The following CNTN3 variants were observed in gnomAD, a reference collection of about 807,000 sequenced individuals.
CNTN3 encodes contactin 3, also known as contactin-3.
CNTN3 carries 60 observed loss-of-function variants against 119.1 expected under a neutral mutation model. That is an observed-to-expected ratio of 0.50 (90% CI 0.41 to 0.62). CNTN3 has a LOEUF of 0.62. Ranked by LOEUF, CNTN3 falls within the 20% of genes least tolerant of loss-of-function variation. The probability of loss-of-function intolerance (pLI) is 0.00; values close to 1 mark genes in which losing one functional copy is unlikely to be tolerated. For synonymous variants in CNTN3, 450 were observed against 438.7 expected (o/e 1.03, Z -0.32); for missense variants, 1,101 against 1,242.4 (o/e 0.89, Z 1.71).
chr3:74,426,995 GC>G (rs752958440), intron 4 of CNTN3, among the ~76,000 whole-genome samples: 12 of 152,256 alleles, frequency 7.9e-5, no homozygotes, highest in East Asian at 1.9e-4. Flanking sequence ...GCTAGAATAT[GC>G]AAAAATGTAT....
chr3:74,506,687 T>C (rs938603847), intron 2 of CNTN3, among the ~76,000 whole-genome samples: 7 of 150,318 alleles, frequency 4.7e-5, no homozygotes, highest in Non-Finnish European at 1.0e-4. Flanking sequence ...GGATGCAATA[T>C]GCAATGTGTA....
chr3:74,349,779 A>C (rs1703772849), intron 11 of CNTN3, among the ~76,000 whole-genome samples: 1 of 152,224 alleles, frequency 6.6e-6, no homozygotes, highest in Non-Finnish European at 1.5e-5. Flanking sequence ...CTATGGTTAA[A>C]TGCATGTGGG....
chr3:74,446,500 A>G (rs1055871927), intron 4 of CNTN3, among the ~76,000 whole-genome samples: 1 of 152,136 alleles, frequency 6.6e-6, no homozygotes, highest in African/African-American at 2.4e-5. Context: ...GCCACTAGCC[A>G]CATGTGCCTA....
chr3:74,500,316 A>G (rs1435816953), intron 2 of CNTN3, among the ~76,000 whole-genome samples: 2 of 152,032 alleles, frequency 1.3e-5, no homozygotes, highest in Non-Finnish European at 2.9e-5. Flanking sequence ...GCGTCTTTTT[A>G]AAGATGTTTC....
chr3:74,312,455 CA>C (rs745514119), intron 13 of CNTN3, among the ~76,000 whole-genome samples: 1,013 of 27,708 alleles, frequency 0.037, 6 homozygotes, highest in African/African-American at 0.11. Context: ...GACTCCATCT[CA>C]AAAAAAAAAA....
chr3:74,323,332 G>A (rs546168522), intron 13 of CNTN3, among the ~76,000 whole-genome samples: 1 of 151,990 alleles, frequency 6.6e-6, no homozygotes, highest in Admixed American at 6.6e-5. Flanking sequence ...TTTTTAAAAG[G>A]GGTCCATCTC....
intron 13 of CNTN3, among the ~76,000 whole-genome samples, chr3:74,320,923 C>T (rs1297772631): frequency 6.6e-6 from 1 of 150,488 alleles, no homozygotes; most frequent in African/African-American, 2.4e-5. Context: ...AAATTCAGCA[C>T]ATATTCAATA....
chr3:74,265,006 C>A (rs1398882825), intron 22 of CNTN3, among the ~76,000 whole-genome samples: 1 of 152,036 alleles, frequency 6.6e-6, no homozygotes, highest in East Asian at 1.9e-4. Flanking sequence ...ATGGGAAAAA[C>A]AACTTAATCA....
chr3:74,451,336 C>A (rs1702150055), intron 4 of CNTN3, among the ~76,000 whole-genome samples: 2 of 152,214 alleles, frequency 1.3e-5, no homozygotes, highest in South Asian at 2.1e-4. Context: ...CTGTTCATGT[C>A]CATTGCCCCC....
At chr3:74,355,268 T>C (rs1236346722) in intron 11 of CNTN3, among the ~76,000 whole-genome samples, 1 of 152,136 alleles carries the variant, frequency 6.6e-6, no homozygotes, top group African/African-American at 2.4e-5. Flanking sequence ...ATCATGCCTC[T>C]AATCAACAGG....
chr3:74,599,782 G>C (rs1055430167), intron 1 of CNTN3, among the ~76,000 whole-genome samples: 1 of 151,974 alleles, frequency 6.6e-6, no homozygotes, highest in Non-Finnish European at 1.5e-5. Context: ...ACATCAATGG[G>C]GCAGAGAAGA....
intron 5 of CNTN3, among the ~76,000 whole-genome samples, chr3:74,381,063 T>TTCTC (rs934368808): frequency 1.4e-4 from 20 of 146,648 alleles, no homozygotes; most frequent in Middle Eastern, 3.5e-3. Context: ...GTTTTTTTTT[T>TTCTC]TCTCTCTCTC....
intron 4 of CNTN3, among the ~76,000 whole-genome samples, chr3:74,476,758 T>A (rs1702663244): frequency 1.3e-5 from 2 of 152,186 alleles, no homozygotes; most frequent in East Asian, 1.9e-4. Flanking sequence ...TCAGATAGAA[T>A]GTCTCGACAT....
chr3:74,586,922 C>T (rs1287758351), intron 1 of CNTN3, among the ~76,000 whole-genome samples: 1 of 151,958 alleles, frequency 6.6e-6, no homozygotes, highest in African/African-American at 2.4e-5. Context: ...GTAGTGTTTG[C>T]CTGCCTAGCA....
chr3:74,602,295 C>CA (rs1167052275), intron 1 of CNTN3, among the ~76,000 whole-genome samples: 1,276 of 19,544 alleles, frequency 0.065, 148 homozygotes, highest in Middle Eastern at 0.1. Flanking sequence ...GACCTGGTCT[C>CA]AAAAAAAAAA....
At chr3:74,528,898 C>A (rs1703656589) in intron 1 of CNTN3, among the ~76,000 whole-genome samples, 1 of 151,774 alleles carries the variant, frequency 6.6e-6, no homozygotes, top group Non-Finnish European at 1.5e-5. Flanking sequence ...ATAATAGGCA[C>A]GAATGTAGAA....
intron 4 of CNTN3, among the ~76,000 whole-genome samples, chr3:74,474,546 T>A (rs1702619412): frequency 6.6e-6 from 1 of 151,980 alleles, no homozygotes; most frequent in Admixed American, 6.6e-5. Context: ...CAGGTTGGAG[T>A]GCAGTGGTAC....
chr3:74,289,843 A>T (rs1702188548), intron 19 of CNTN3, among the ~76,000 whole-genome samples: 1 of 152,224 alleles, frequency 6.6e-6, no homozygotes, highest in Non-Finnish European at 1.5e-5. Flanking sequence ...CACTTGGGAT[A>T]GATCAATGAG....
At chr3:74,562,778 G>A (rs1337313831) in intron 1 of CNTN3, among the ~76,000 whole-genome samples, 4 of 151,766 alleles carry the variant, frequency 2.6e-5, no homozygotes, top group Non-Finnish European at 5.9e-5. Flanking sequence ...GCCTGGACAT[G>A]CCAACTTTTC....
Sources: allele counts gnomAD v4.1 joint callset (sites outside exome capture counted in the v4.1 genomes callset), GRCh38; gene constraint gnomAD v4.1.1; transcripts MANE v1.5; gene names NCBI Gene and HGNC (gene_info 2026-07-23, HGNC 2026-07-21).